PIEZO1: variants seen among roughly 807,000 people sequenced by gnomAD.
The protein encoded by PIEZO1 is piezo-type mechanosensitive ion channel component 1.
A neutral mutation model predicts 297.2 loss-of-function variants in PIEZO1; 296 were observed. The observed-to-expected ratio is 1.00, with a 90% CI of 0.91 to 1.10. The LOEUF is 1.10. Ranked by LOEUF, PIEZO1 falls within the 50% of genes least tolerant of loss-of-function variation. PIEZO1 has a pLI of 0.00. For missense variants in PIEZO1, 5,018 were observed against 3,455.5 expected, an observed-to-expected ratio of 1.45 and a Z score of -11.34; for synonymous variants, 2,427 against 1,507.5, an observed-to-expected ratio of 1.61 and a Z score of -14.13.
At position 88,726,560 on chromosome 16, in the gene PIEZO1, C is replaced by G. The variant is rs752880958; in HGVS notation, c.3783G>C (p.Lys1261Asn). ...CTGGCCACTCACGGTCATAGTAGCC[C>G]TTGACGGTGCATACAAGGCTGAAGA... ...IQLFSLVCTV[K>N]GYYDPKEMMD... is the part of the protein sequence containing the mutation. The change falls in exon 26 of 51, where the codon AAG becomes AAC. Residue 1261 changes from lysine (K) to asparagine (N), a missense_variant. Coordinates refer to ENST00000301015, the MANE Select transcript of PIEZO1 (RefSeq NM_001142864.4). The G allele has an allele frequency of 7.2e-5, 112 of 1,549,988 alleles. No homozygotes were observed. Among genetic ancestry groups the G allele is most frequent in the Non-Finnish European group, 9.0e-5 (103 of 1,146,836 alleles).
At chr16:88,748,040 C>A (rs900505036) in intron 2 of PIEZO1, among the ~76,000 whole-genome samples, 1 of 152,212 alleles carries the variant, frequency 6.6e-6, no homozygotes, top group African/African-American at 2.4e-5. Context: ...CAGCACCTCC[C>A]AGAAGGGCGG....
chr16:88,731,710 G>A lies in PIEZO1; in HGVS notation c.3192C>T (p.Cys1064=). 3 of 1,549,274 alleles carry A rather than the reference G, an allele frequency of 1.9e-6. No individual in the cohort carries two copies. Among genetic ancestry groups the A allele is most frequent in the Non-Finnish European group, 1.7e-6 (2 of 1,146,550 alleles). Residue 1064 remains cysteine (C), a synonymous_variant, in exon 22 of 51, where the codon TGC becomes TGT. Coordinates refer to ENST00000301015, the MANE Select transcript of PIEZO1 (RefSeq NM_001142864.4). ...LLCLGMPPAL[C]IDYPWRWSRA... ...CCCAAGCCACGTGCCCCTCACCAATGCACAGGGCCGGGGGCATCCCCAGGC... is the reference window on the plus strand; with the variant it reads ...CCCAAGCCACGTGCCCCTCACCAATACACAGGGCCGGGGGCATCCCCAGGC...
At position 88,721,971 on chromosome 16, in the gene PIEZO1, G is replaced by A. The variant is rs2142766803; in HGVS notation, c.5051C>T (p.Ala1684Val). The A allele has an allele frequency of 6.5e-7, 1 of 1,549,956 alleles. No individual in the cohort carries two copies. Among genetic ancestry groups the A allele is most frequent in the Non-Finnish European group, 8.7e-7 (1 of 1,146,794 alleles). ...GTAGCAGAGCAGCTCCGAGTGGGCGGCCACACACTGGTACACGGCCCGCAG... is the reference window on the plus strand; with the variant it reads ...GTAGCAGAGCAGCTCCGAGTGGGCGACCACACACTGGTACACGGCCCGCAG... Reference protein sequence around the residue: ...RLLRAVYQCVAAHSELLCYFI... With the variant: ...RLLRAVYQCVVAHSELLCYFI... Residue 1684 changes from alanine (A) to valine (V), a missense_variant, in exon 37 of 51, where the codon GCC becomes GTC. Physicochemically the swap from Ala to Val is moderately conservative, Grantham distance 64 (BLOSUM62 0). Transcript: ENST00000301015.
intron 2 of PIEZO1, chr16:88,745,758 A>AG (rs1474997991): frequency 6.6e-6 from 1 of 151,414 alleles, no homozygotes; most frequent in Non-Finnish European, 1.5e-5. Flanking sequence ...CAAAAAAAAA[A>AG]AAAAAAAAAG....
intron 2 of PIEZO1, chr16:88,745,289 G>A (rs1905975081): frequency 6.6e-6 from 1 of 151,934 alleles, no homozygotes; most frequent in African/African-American, 2.4e-5. Context: ...AGGAGGCTCA[G>A]GCCAGGGACC....
intron 1 of PIEZO1, among the ~76,000 whole-genome samples, chr16:88,784,580 C>T (rs949294954): frequency 3.9e-5 from 6 of 152,000 alleles, no homozygotes; most frequent in Non-Finnish European, 8.8e-5. Context: ...CCGCCTCGCC[C>T]GGCGGCCTCC....
In PIEZO1 at chr16:88,732,673, C is replaced by G. The variant is rs1187447224; in HGVS notation, c.2724G>C (p.Arg908=). Residue 908 remains arginine (R), a synonymous_variant, in exon 20 of 51, where the codon CGG becomes CGC. Coordinates refer to ENST00000301015, the MANE Select transcript of PIEZO1 (RefSeq NM_001142864.4). The part of the protein sequence containing the change: ...PTEISQSLLY[R]GPVDPANWFG... The stretch of plus-strand genomic sequence containing the variant: ...ACCAGTTGGCAGGGTCCACGGGCCC[C>G]CGGTACAGCAGGGACTGGCTGATCT... 2.6e-6 allele frequency: 4 copies of G among 1,549,544 alleles called. No homozygotes were observed. In the African/African-American group the frequency reaches 5.5e-5, roughly 21 times the overall value.
Position 88,715,643 on chromosome 16 carries a change from G to C in PIEZO1, c.7528C>G (p.Pro2510Ala), listed in dbSNP as rs758885868. The C allele has an allele frequency of 3.2e-6, 5 of 1,550,134 alleles. No individual in the cohort carries two copies. The African/African-American group carries it at 4.1e-5, about 13-fold the overall frequency. The change falls in exon 51 of 51, where the codon CCG becomes GCG. Residue 2510 changes from proline (P) to alanine (A), a missense_variant. By Grantham distance (27) the Pro-to-Ala change is conservative. Coordinates refer to ENST00000301015, the MANE Select transcript of PIEZO1 (RefSeq NM_001142864.4). ...CGAGTCCACTTGATCATGGTCTCCGGTGAGCGGTAGAGGAAGATGAGCTTG... is the reference window on the plus strand; with the variant it reads ...CGAGTCCACTTGATCATGGTCTCCGCTGAGCGGTAGAGGAAGATGAGCTTG... The part of the protein sequence containing the change: ...YAKLIFLYRS[P>A]ETMIKWTREK...
At chr16:88,756,640 T>C (rs1228850974) in intron 1 of PIEZO1, among the ~76,000 whole-genome samples, 4 of 151,830 alleles carry the variant, frequency 2.6e-5, no homozygotes, top group Admixed American at 6.6e-5. Flanking sequence ...TGGTGGTGGG[T>C]GCCTGTAGTC....
rs759237822 is a variant in PIEZO1 at position 88,719,604 on chromosome 16, G to A, written c.6441C>T (p.Phe2147=). ...MCVEDIYANI[F]IIKCSRETEK... The stretch of plus-strand genomic sequence containing the variant: ...CTGTCTCTCGGCTGCATTTGATGAT[G>A]AAGATGTTGGCATAGATGTCCTCCA... Residue 2147 remains phenylalanine (F), a synonymous_variant, in exon 44 of 51, where the codon TTC becomes TTT. Coordinates refer to ENST00000301015, the MANE Select transcript of PIEZO1 (RefSeq NM_001142864.4). The A allele has an allele frequency of 2.1e-5, 32 of 1,551,508 alleles. No individual in the cohort carries two copies. Among genetic ancestry groups the A allele is most frequent in the Non-Finnish European group, 2.5e-5 (29 of 1,147,484 alleles).
intron 1 of PIEZO1, among the ~76,000 whole-genome samples, chr16:88,780,304 G>C (rs1907870642): frequency 6.6e-6 from 1 of 152,188 alleles, no homozygotes; most frequent in African/African-American, 2.4e-5. Context: ...CCAAAAAATA[G>C]GCTCAACAGC....
intron 17 of PIEZO1, 73 bp downstream of exon 17, chr16:88,733,833 C>G (rs555264671): frequency 8.9e-6 from 13 of 1,461,030 alleles, no homozygotes; most frequent in African/African-American, 2.8e-5. Context: ...AGAGGGGACT[C>G]TGCCAACGCC....
At position 88,716,015 on chromosome 16, in the gene PIEZO1, G is replaced by C. The variant is rs577922766; in HGVS notation, c.7234C>G (p.Arg2412Gly). Reference protein sequence around the residue: ...EWWVIELQECRTDCNLLPMVI... With the variant: ...EWWVIELQECGTDCNLLPMVI... ...ATGGGCAGCAGGTTGCAGTCGGTCC[G>C]GCACTCCTGCAGCTCGATGACCCAC... Residue 2412 changes from arginine (R) to glycine (G), a missense_variant, in exon 50 of 51, where the codon CGG (arginine) becomes GGG (glycine). Physicochemically the swap from Arg to Gly is moderately radical, Grantham distance 125. Transcript: ENST00000301015. 1.1e-4 allele frequency: 167 copies of C among 1,550,202 alleles called. No homozygotes were observed. In the African/African-American group the frequency reaches 2.1e-3, roughly 20 times the overall value.
chr16:88,735,872 C>A (rs1275390970), intron 12 of PIEZO1, among the ~76,000 whole-genome samples: 1 of 152,180 alleles, frequency 6.6e-6, no homozygotes, highest in Admixed American at 6.5e-5. Flanking sequence ...AGTGTCGGGG[C>A]ACAGGGGTGG....
chr16:88,784,506 G>C (rs1908085599), intron 1 of PIEZO1, among the ~76,000 whole-genome samples: 1 of 151,540 alleles, frequency 6.6e-6, no homozygotes, highest in East Asian at 1.9e-4. Context: ...TTTTAAACCC[G>C]AAAGAGAAAA....
Position 88,785,015 on chromosome 16 carries a change from T to A in PIEZO1, c.-51A>T. The A allele has an allele frequency of 2.6e-6, 3 of 1,143,238 alleles. No individual in the cohort carries two copies. The highest frequency in any genetic ancestry group is 3.3e-6 in the Non-Finnish European group (3 of 917,394). 70.8% of individuals were successfully genotyped at this position (1,143,238 alleles called of 1,614,324 possible). ...AGACCGAGCGGACGCCGCGGCGCTA[T>A]GGGGCGGTGCGGGGGCCCCGGGGCC... On this transcript the variant is annotated 5_prime_UTR_variant, in exon 1 of 51. Coordinates refer to ENST00000301015, the MANE Select transcript of PIEZO1 (RefSeq NM_001142864.4).
At chr16:88,741,245 C>T (rs544186119) in intron 5 of PIEZO1, 265 of 482,730 alleles carry the variant, frequency 5.5e-4, no homozygotes, top group South Asian at 1.0e-3. Context: ...GATGCCATGT[C>T]GGGGCGTGGA....
intron 1 of PIEZO1, among the ~76,000 whole-genome samples, chr16:88,780,475 C>T (rs1907880941): frequency 6.6e-6 from 1 of 152,128 alleles, no homozygotes. Context: ...CAGGGGTTGG[C>T]TGGGAACAGC....
chr16:88,738,366 G>C lies in PIEZO1; in HGVS notation c.709C>G (p.His237Asp). 6.5e-7 allele frequency: 1 copy of C among 1,535,896 alleles called. No individual in the cohort carries two copies. Among genetic ancestry groups the C allele is most frequent in the Non-Finnish European group, 8.7e-7 (1 of 1,146,868 alleles). Residue 237 changes from histidine to aspartate, a missense_variant, in exon 7 of 51, where the codon CAC (histidine) becomes GAC (aspartate). His to Asp is a moderately conservative substitution (Grantham distance 81, BLOSUM62 -1). Coordinates refer to ENST00000301015, the MANE Select transcript of PIEZO1 (RefSeq NM_001142864.4). ...AAGCCCCGAGTGCTGATGGGAAAGT[G>C]GCAGGCCCACCAGGTGCAGAGGGCC... ...FLALCTWWACHFPISTRGFSR... is the reference protein window; with the variant it reads ...FLALCTWWACDFPISTRGFSR...
Sources: gnomAD v4.1 joint callset for allele counts (sites outside exome capture counted in the v4.1 genomes callset) on GRCh38, gnomAD v4.1.1 for gene constraint, MANE v1.5 for transcripts, NCBI Gene and HGNC (gene_info 2026-07-23, HGNC 2026-07-21) for gene names.